Variants in STPG2 observed in about 807,000 individuals in gnomAD.
STPG2 encodes the protein sperm-tail PG-rich repeat-containing protein 2.
STPG2 carries 56 observed loss-of-function variants against 54.2 expected under a neutral mutation model. The ratio of observed to expected loss-of-function variants is 1.03; its 90% CI spans 0.83 to 1.29. The LOEUF (loss-of-function observed/expected upper bound fraction) is 1.29, where lower values mean the gene tolerates loss of function less well. STPG2 is among the 50% of genes most tolerant of loss of function. The pLI is 0.00. For missense variants in STPG2, 596 were observed against 544.9 expected, an observed-to-expected ratio of 1.09 and a Z score of -0.93; for synonymous variants, 200 against 181.8, an observed-to-expected ratio of 1.10 and a Z score of -0.81.
At chr4:97,653,922 C>G (rs553712847) in intron 10 of STPG2, among the ~76,000 whole-genome samples, 1 of 152,206 alleles carries the variant, frequency 6.6e-6, no homozygotes, top group Admixed American at 6.5e-5. Flanking sequence ...TTTGATCCCA[C>G]AGGGAAACTT....
chr4:97,938,864 A>G (rs965104217), intron 8 of STPG2, among the ~76,000 whole-genome samples: 1 of 151,904 alleles, frequency 6.6e-6, no homozygotes, highest in South Asian at 2.1e-4. Flanking sequence ...GGTTCTTCTC[A>G]GTGGGAGCCT....
chr4:97,901,279 C>A (rs1056718582), intron 8 of STPG2, among the ~76,000 whole-genome samples: 5 of 151,758 alleles, frequency 3.3e-5, no homozygotes, highest in African/African-American at 1.2e-4. Context: ...AGATCAGGAA[C>A]AAGACAAAGA....
chr4:97,702,302 C>T (rs1723802988), intron 10 of STPG2, among the ~76,000 whole-genome samples: 1 of 152,186 alleles, frequency 6.6e-6, no homozygotes, highest in Non-Finnish European at 1.5e-5. Flanking sequence ...ATAAATTCAG[C>T]TTGATCCAAC....
intron 4 of STPG2, among the ~76,000 whole-genome samples, chr4:98,107,595 A>G (rs568955022): frequency 1.3e-5 from 2 of 152,216 alleles, no homozygotes; most frequent in East Asian, 3.9e-4. Flanking sequence ...CTGGTAGGAA[A>G]AACCACCAAG....
chr4:97,634,370 G>T (rs1436723758), intron 10 of STPG2, among the ~76,000 whole-genome samples: 1 of 152,212 alleles, frequency 6.6e-6, no homozygotes, highest in South Asian at 2.1e-4. Context: ...ACCAAAAGTA[G>T]ATAAAACCAC....
At chr4:97,874,024 A>G (rs1162748861) in intron 8 of STPG2, among the ~76,000 whole-genome samples, 1 of 151,596 alleles carries the variant, frequency 6.6e-6, no homozygotes, top group African/African-American at 2.4e-5. Context: ...GATAAGTAGA[A>G]TGGACATAAT....
At chr4:97,820,475 C>A (rs1305885215) in intron 9 of STPG2, among the ~76,000 whole-genome samples, 3 of 152,254 alleles carry the variant, frequency 2.0e-5, no homozygotes, top group Middle Eastern at 3.4e-3. Context: ...AGTAGCTAGA[C>A]CTCTTGCACC....
At chr4:97,927,558 T>C (rs1366119570) in intron 8 of STPG2, among the ~76,000 whole-genome samples, 1 of 152,270 alleles carries the variant, frequency 6.6e-6, no homozygotes, top group East Asian at 1.9e-4. Context: ...AAAAAAGTTA[T>C]ATACCTTATA....
intron 5 of STPG2, among the ~76,000 whole-genome samples, chr4:98,007,732 G>T (rs991277596): frequency 2.0e-5 from 3 of 151,456 alleles, no homozygotes; most frequent in Non-Finnish European, 4.4e-5. Flanking sequence ...TTCAGAATAT[G>T]AATGAGAAAT....
At chr4:97,739,545 C>T (rs1177982327) in intron 9 of STPG2, among the ~76,000 whole-genome samples, 8 of 152,120 alleles carry the variant, frequency 5.3e-5, no homozygotes, top group Non-Finnish European at 7.4e-5. Flanking sequence ...ACCACTGGTC[C>T]CACAGAAATA....
chr4:97,447,037 G>A (rs1268539033), intron 4 of STPG2, among the ~76,000 whole-genome samples: 1 of 152,228 alleles, frequency 6.6e-6, no homozygotes, highest in Non-Finnish European at 1.5e-5. Flanking sequence ...CTAGAGACTT[G>A]TTAAATGGTT....
At chr4:97,814,610 G>A (rs1334098008) in intron 9 of STPG2, among the ~76,000 whole-genome samples, 4 of 152,164 alleles carry the variant, frequency 2.6e-5, no homozygotes, top group Admixed American at 1.3e-4. Flanking sequence ...GATCCTGGGT[G>A]TGTCTGTGAG....
chr4:97,869,348 T>C (rs1323164669), intron 8 of STPG2, among the ~76,000 whole-genome samples: 2 of 151,660 alleles, frequency 1.3e-5, no homozygotes, highest in East Asian at 3.9e-4. Flanking sequence ...TTAACTTACC[T>C]AGGTCAGAGC....
At chr4:97,918,548 G>A (rs1578689659) in intron 8 of STPG2, among the ~76,000 whole-genome samples, 2 of 151,040 alleles carry the variant, frequency 1.3e-5, no homozygotes, top group African/African-American at 4.9e-5. Flanking sequence ...TTTTCACCAG[G>A]AAATAAATAA....
chr4:97,665,824 G>A (rs1722505159), intron 10 of STPG2, among the ~76,000 whole-genome samples: 1 of 152,168 alleles, frequency 6.6e-6, no homozygotes, highest in Admixed American at 6.5e-5. Context: ...GGGCTGAGGT[G>A]CCAGGGGTTT....
chr4:97,973,362 T>A (rs1734398399), intron 6 of STPG2, among the ~76,000 whole-genome samples: 1 of 152,166 alleles, frequency 6.6e-6, no homozygotes, highest in Middle Eastern at 3.2e-3. Flanking sequence ...CAGAAGAAAT[T>A]TCTAAGCAGC....
chr4:97,572,279 T>C (rs181805265), intron 10 of STPG2, among the ~76,000 whole-genome samples: 1 of 152,274 alleles, frequency 6.6e-6, no homozygotes, highest in Admixed American at 6.5e-5. Context: ...ATACAGCCAT[T>C]CAGTTACTTC....
intron 9 of STPG2, among the ~76,000 whole-genome samples, chr4:97,746,840 C>G (rs1725432752): frequency 1.3e-5 from 2 of 151,152 alleles, no homozygotes; most frequent in Admixed American, 1.3e-4. Flanking sequence ...GCTAAAATAT[C>G]CCTCTGCATC....
chr4:97,971,369 A>G (rs1385764334), intron 7 of STPG2, among the ~76,000 whole-genome samples: 3 of 152,254 alleles, frequency 2.0e-5, no homozygotes, highest in Non-Finnish European at 4.4e-5. Flanking sequence ...TTATTGCAGC[A>G]CTATTCACAA....
Sources: gnomAD v4.1 joint callset for allele counts (sites outside exome capture counted in the v4.1 genomes callset) on GRCh38, gnomAD v4.1.1 for gene constraint, MANE v1.5 for transcripts, NCBI Gene and HGNC (gene_info 2026-07-23, HGNC 2026-07-21) for gene names.